Variants in IGFBP7 observed in about 807,000 individuals in gnomAD.
The protein encoded by IGFBP7 is insulin-like growth factor-binding protein 7.
In IGFBP7, 31 loss-of-function variants were observed where a neutral mutation model predicts 29.4. The ratio of observed to expected loss-of-function variants is 1.05; its 90% CI spans 0.79 to 1.42. The LOEUF (loss-of-function observed/expected upper bound fraction) is 1.42, where lower values mean the gene tolerates loss of function less well. Ranked by LOEUF, IGFBP7 falls within the 40% of genes most tolerant of loss-of-function variation. The pLI is 0.00. For synonymous variants in IGFBP7, 172 were observed against 174.9 expected (o/e 0.98, Z 0.13); for missense variants, 393 against 395.5 (o/e 0.99, Z 0.05).
intron 1 of IGFBP7, among the ~76,000 whole-genome samples, chr4:57,067,192 C>T (rs1437948099): frequency 2.6e-5 from 4 of 152,112 alleles, no homozygotes; most frequent in Non-Finnish European, 5.9e-5. Flanking sequence ...TTTGTACCTG[C>T]CATCCTAGAA....
chr4:57,079,600 G>A (rs968155055), intron 1 of IGFBP7, among the ~76,000 whole-genome samples: 2 of 152,098 alleles, frequency 1.3e-5, no homozygotes, highest in Non-Finnish European at 2.9e-5. Flanking sequence ...TCAGTCTTCA[G>A]GAAAGTAATA....
chr4:57,072,689 A>C, intron 1 of IGFBP7: 1 of 393,298 alleles, frequency 2.5e-6, no homozygotes, highest in South Asian at 2.0e-5. Context: ...CCTTGTGGGC[A>C]AAAGGCTACA....
chr4:57,031,128 G>A lies in IGFBP7; in HGVS notation c.*189C>T, dbSNP rs1723908175. On this transcript the variant is annotated 3_prime_UTR_variant, in exon 5 of 5. Coordinates refer to ENST00000295666, the MANE Select transcript of IGFBP7 (RefSeq NM_001553.3). ...TTAATGATATGCATGCTTTTCTTCT[G>A]TAAATATATAATAAATTTTTGTAGA... is the stretch of plus-strand genomic sequence containing the variant. 2.8e-6 allele frequency: 2 copies of A among 710,848 alleles called. No homozygotes were observed. Among genetic ancestry groups the A allele is most frequent in the East Asian group, 2.7e-5 (1 of 37,430 alleles). The allele number at this position is 710,848 out of a possible 1,614,324, so 44.0% of individuals were successfully genotyped here. A position where few individuals can be genotyped will look rare whatever the true frequency, so the allele number is the denominator to read the frequency against.
chr4:57,075,008 G>A (rs114945140), intron 1 of IGFBP7, among the ~76,000 whole-genome samples: 1,870 of 152,300 alleles, frequency 0.012, 42 homozygotes, highest in African/African-American at 0.044. Context: ...AAAGCCTCGT[G>A]CTTTGCTAAA....
At chr4:57,106,916 C>G (rs751349790) in intron 1 of IGFBP7, among the ~76,000 whole-genome samples, 1 of 152,188 alleles carries the variant, frequency 6.6e-6, no homozygotes, top group African/African-American at 2.4e-5. Context: ...TCAATACAAT[C>G]TAATGGCAGT....
At chr4:57,092,019 G>T (rs1005602674) in intron 1 of IGFBP7, among the ~76,000 whole-genome samples, 19 of 152,184 alleles carry the variant, frequency 1.2e-4, no homozygotes, top group African/African-American at 4.6e-4. Flanking sequence ...GAGCTGCTGA[G>T]ATTCAACCTG....
At chr4:57,102,365 T>C (rs985591007) in intron 1 of IGFBP7, among the ~76,000 whole-genome samples, 3 of 152,170 alleles carry the variant, frequency 2.0e-5, no homozygotes, top group Admixed American at 2.0e-4. Context: ...CTCAAAGCTG[T>C]ATAGTTTAAG....
At chr4:57,107,876 G>A (rs1325684522) in intron 1 of IGFBP7, among the ~76,000 whole-genome samples, 1 of 152,210 alleles carries the variant, frequency 6.6e-6, no homozygotes, top group Non-Finnish European at 1.5e-5. Context: ...GACTGTGTGA[G>A]TGTTTGGTGA....
chr4:57,073,029 G>A (rs1725095803), intron 1 of IGFBP7: 9 of 1,190,548 alleles, frequency 7.6e-6, no homozygotes, highest in Non-Finnish European at 1.1e-5. Flanking sequence ...AACATTGATA[G>A]CTCGTTGAAC....
rs367931022 is a variant in IGFBP7, at chr4:57,063,004, C to A, written c.476-22071G>T. Among the ~76,000 whole-genome samples the A allele has an allele frequency of 6.6e-5, 10 of 152,258 alleles. No individual in the cohort carries two copies. In the South Asian group the frequency reaches 2.1e-3, roughly 32 times the overall value. On this transcript the variant is annotated intron_variant, in intron 1 of 4. Coordinates refer to ENST00000295666, the MANE Select transcript of IGFBP7 (RefSeq NM_001553.3). ...TGGGTAGCTTTTCCCAGCCTCATTT[C>A]TTGCCACATCCCTCCTGAACCCTGA...
At chr4:57,091,856 A>T (rs1725648789) in intron 1 of IGFBP7, among the ~76,000 whole-genome samples, 1 of 152,222 alleles carries the variant, frequency 6.6e-6, no homozygotes, top group African/African-American at 2.4e-5. Flanking sequence ...GTGTGGTAAA[A>T]ATGTTGTAAG....
chr4:57,061,952 A>G (rs1242446292), intron 1 of IGFBP7, among the ~76,000 whole-genome samples: 1 of 152,180 alleles, frequency 6.6e-6, no homozygotes. Flanking sequence ...TGTGAACCAC[A>G]GCACCTAGCC....
At chr4:57,094,067 A>G (rs1378715826) in intron 1 of IGFBP7, among the ~76,000 whole-genome samples, 1 of 152,002 alleles carries the variant, frequency 6.6e-6, no homozygotes. Context: ...GGACTCTCTT[A>G]TATTGAGTCT....
At position 57,033,235 on chromosome 4, in the gene IGFBP7, C is replaced by T. The variant is rs759648654; in HGVS notation, c.662G>A (p.Arg221Gln). ...TACTTCATGCTTTTCTGGGCCACCCCGGGTCTGAATGGCCAGGTTGTCCCG... is the reference window on the plus strand; with the variant it reads ...TACTTCATGCTTTTCTGGGCCACCCTGGGTCTGAATGGCCAGGTTGTCCCG... ...GDRDNLAIQTRGGPEKHEVTG... is the reference protein window; with the variant it reads ...GDRDNLAIQTQGGPEKHEVTG... The change falls in exon 3 of 5, where the codon CGG (arginine) becomes CAG (glutamine). Residue 221 changes from arginine to glutamine, a missense_variant. Arg to Gln is a conservative substitution (Grantham distance 43, BLOSUM62 1). Transcript: ENST00000295666. The T allele has an allele frequency of 1.1e-5, 17 of 1,613,938 alleles. No individual in the cohort carries two copies. The highest frequency in any genetic ancestry group is 5.0e-5 in the Admixed American group (3 of 60,010).
intron 1 of IGFBP7, among the ~76,000 whole-genome samples, chr4:57,104,608 C>T (rs1487325720): frequency 6.6e-6 from 1 of 152,136 alleles, no homozygotes; most frequent in Non-Finnish European, 1.5e-5. Flanking sequence ...AAATGAGCTT[C>T]TCAAAGAATG....
At chr4:57,055,471 AAT>A (rs1724636686) in intron 1 of IGFBP7, among the ~76,000 whole-genome samples, 1 of 152,138 alleles carries the variant, frequency 6.6e-6, no homozygotes, top group African/African-American at 2.4e-5. Flanking sequence ...GATTAGAAGA[AAT>A]TATGTTCGTA....
At chr4:57,106,467 CAT>C (rs1726034388) in intron 1 of IGFBP7, among the ~76,000 whole-genome samples, 1 of 152,092 alleles carries the variant, frequency 6.6e-6, no homozygotes, top group South Asian at 2.1e-4. Flanking sequence ...AGCATAGAGA[CAT>C]ATGTGCTGAA....
At chr4:57,101,985 C>T (rs1027417675) in intron 1 of IGFBP7, among the ~76,000 whole-genome samples, 7 of 152,190 alleles carry the variant, frequency 4.6e-5, no homozygotes, top group African/African-American at 1.7e-4. Context: ...AAAGGTTACA[C>T]TCATATTCCC....
rs187814708 is a variant in IGFBP7 at position 57,079,034 on chromosome 4, C to T, written c.475+30843G>A. ...TTGTCCTGAATGTTGTTCTTCAGAG[C>T]TGATGATTAATGCCTTCCATTTAGG... On this transcript the variant is annotated intron_variant, in intron 1 of 4. Transcript: ENST00000295666. 6.6e-5 allele frequency among the ~76,000 whole-genome samples: 10 copies of T among 152,284 alleles called. No homozygotes were observed. In the East Asian group the frequency reaches 1.7e-3, roughly 26 times the overall value.
Sources: allele counts gnomAD v4.1 joint callset (sites outside exome capture counted in the v4.1 genomes callset), GRCh38; gene constraint gnomAD v4.1.1; transcripts MANE v1.5; gene names NCBI Gene and HGNC (gene_info 2026-07-23, HGNC 2026-07-21).